The following UPRT variants were observed in gnomAD, a reference collection of about 807,000 sequenced individuals.
UPRT encodes uracil phosphoribosyltransferase homolog, also known as RP11-311P8.3.
Under a neutral mutation model 22.6 loss-of-function variants are expected in UPRT, and 5 were observed. The observed-to-expected ratio is 0.22, with a 90% CI of 0.12 to 0.47. UPRT has a LOEUF of 0.47. Among genes scored for constraint, UPRT ranks in the 20% least tolerant of loss-of-function variants. The pLI, the probability that UPRT is intolerant of heterozygous loss-of-function variation, is 0.99. For missense variants in UPRT, 181 were observed against 239.9 expected, an observed-to-expected ratio of 0.75 and a Z score of 1.62; for synonymous variants, 77 against 87.7, an observed-to-expected ratio of 0.88 and a Z score of 0.68.
At chrX:75,231,451 T>A (rs1365736263) in intron 4 of UPRT, among the ~76,000 whole-genome samples, 1 of 112,567 alleles carries the variant, frequency 8.9e-6, no homozygotes, top group South Asian at 3.7e-4. Flanking sequence ...TTTGGGATTA[T>A]GTTAGATGAC....
In UPRT at chrX:75,290,489, C is replaced by T. The variant is rs986280778; in HGVS notation, c.387-2983C>T. Among the ~76,000 whole-genome samples, 6 of 111,656 alleles carry T rather than the reference C, an allele frequency of 5.4e-5. No individual in the cohort carries two copies. The East Asian group carries it at 8.5e-4, about 16-fold the overall frequency. ...CAAATTGTTCTACCAAAAAACCACA[C>T]GCACTTGTATGTTCATCACAACAGT... is the stretch of plus-strand genomic sequence containing the variant. On this transcript the variant is annotated intron_variant, in intron 1 of 6. Transcript: ENST00000373383.
At chrX:75,265,062 T>C (rs1403016542) in intron 4 of UPRT, among the ~76,000 whole-genome samples, 1 of 112,278 alleles carries the variant, frequency 8.9e-6, no homozygotes, top group African/African-American at 3.2e-5. Context: ...GGTAGTCTGA[T>C]GGGCTTCCCT....
intron 4 of UPRT, among the ~76,000 whole-genome samples, chrX:75,198,090 T>A (rs1165886179): frequency 1.8e-5 from 2 of 112,838 alleles, no homozygotes; most frequent in Non-Finnish European, 3.7e-5. Context: ...CATCAAATGT[T>A]TATCAACAGG....
At chrX:75,245,391 C>T (rs188925401) in intron 4 of UPRT, among the ~76,000 whole-genome samples, 2 of 111,313 alleles carry the variant, frequency 1.8e-5, no homozygotes, top group South Asian at 3.8e-4. Context: ...GGTGAGTTCT[C>T]GAATAAGTCA....
At chrX:75,199,885 A>G (rs1431831103) in intron 4 of UPRT, among the ~76,000 whole-genome samples, 2 of 111,999 alleles carry the variant, frequency 1.8e-5, no homozygotes, top group Non-Finnish European at 3.8e-5. Context: ...CTATTTCTCC[A>G]CATCCTCCCC....
At chrX:75,180,761 T>G (rs1267232610) in intron 4 of UPRT, among the ~76,000 whole-genome samples, 1 of 97,937 alleles carries the variant, frequency 1.0e-5, no homozygotes, top group Admixed American at 1.2e-4. Context: ...TTCTGGATAT[T>G]AGACCTTTGT....
intron 4 of UPRT, among the ~76,000 whole-genome samples, chrX:75,202,976 A>T (rs1001060265): frequency 8.9e-6 from 1 of 111,934 alleles, no homozygotes; most frequent in African/African-American, 3.3e-5. Context: ...AATGGACTGA[A>T]TGCCCCAATT....
At chrX:75,284,158 T>C (rs2082670244) in intron 1 of UPRT, among the ~76,000 whole-genome samples, 1 of 111,717 alleles carries the variant, frequency 9.0e-6, no homozygotes, top group Non-Finnish European at 1.9e-5. Context: ...GATTGTTTTT[T>C]CTTTGAGCTA....
At chrX:75,224,458 C>T (rs1221772176) in intron 4 of UPRT, among the ~76,000 whole-genome samples, 1 of 110,360 alleles carries the variant, frequency 9.1e-6, no homozygotes, top group African/African-American at 3.3e-5. Flanking sequence ...TATCTCCCTT[C>T]CCTCCTCCTT....
At chrX:75,293,743 A>G (rs2082716180) in intron 2 of UPRT, among the ~76,000 whole-genome samples, 1 of 111,509 alleles carries the variant, frequency 9.0e-6, no homozygotes, top group African/African-American at 3.3e-5. Flanking sequence ...TATTTCTGAG[A>G]TAACACTACC....
chrX:75,234,703 A>T (rs1280662982), intron 4 of UPRT, among the ~76,000 whole-genome samples: 1 of 111,305 alleles, frequency 9.0e-6, no homozygotes, highest in Non-Finnish European at 1.9e-5. Flanking sequence ...ACATAACGAA[A>T]TGAAGGCAGA....
At chrX:75,190,399 C>G (rs2082310905) in intron 4 of UPRT, among the ~76,000 whole-genome samples, 1 of 111,860 alleles carries the variant, frequency 8.9e-6, no homozygotes, top group African/African-American at 3.3e-5. Context: ...TTCTCTCTGG[C>G]TGCCCTTAAC....
In UPRT at chrX:75,203,512, ACACT is replaced by A. The variant is rs748870710; in HGVS notation, c.-447+35637_-447+35640del. Among the ~76,000 whole-genome samples the A allele has an allele frequency of 5.6e-4, 42 of 74,683 alleles. 2 individuals carry two copies. Among genetic ancestry groups the A allele is most frequent in the Middle Eastern group, 6.8e-3 (1 of 146 alleles). 64.9% of individuals were successfully genotyped at this position (74,683 alleles called of 115,157 possible). ...CACACACACACACACACACACACAC[ACACT>A]CACACACACACACACACACACACAC... is the stretch of plus-strand genomic sequence containing the variant. On this transcript the variant is annotated intron_variant, in intron 4 of 13. Coordinates refer to the UPRT transcript ENST00000652605.
intron 4 of UPRT, among the ~76,000 whole-genome samples, chrX:75,205,301 C>T (rs1364103219): frequency 2.1e-5 from 2 of 96,134 alleles, no homozygotes; most frequent in South Asian, 5.6e-4. Flanking sequence ...ACCCGGGAAG[C>T]GGAACTTGCA....
intron 4 of UPRT, among the ~76,000 whole-genome samples, chrX:75,175,986 C>T (rs760774470): frequency 1.3e-4 from 14 of 111,310 alleles, no homozygotes; most frequent in African/African-American, 4.2e-4. Flanking sequence ...CTGATATCTG[C>T]GGCTGATTGG....
rs748143722 is a variant in UPRT, at chrX:75,264,415, G to C, written c.-446-26609G>C. ...TATGAATCTGGGTGCTCCTGTATTGGGTGCATATATAGTTAGGATAGTTAG... is the reference window on the plus strand; with the variant it reads ...TATGAATCTGGGTGCTCCTGTATTGCGTGCATATATAGTTAGGATAGTTAG... On this transcript the variant is annotated intron_variant, in intron 4 of 13. Transcript: ENST00000652605. 6.3e-5 allele frequency among the ~76,000 whole-genome samples: 7 copies of C among 111,552 alleles called. No individual in the cohort carries two copies. In the South Asian group the frequency reaches 2.7e-3, roughly 42 times the overall value.
At chrX:75,233,723 A>G (rs1380165292) in intron 4 of UPRT, among the ~76,000 whole-genome samples, 2 of 111,301 alleles carry the variant, frequency 1.8e-5, no homozygotes, top group Non-Finnish European at 3.8e-5. Context: ...TCCTTTACAG[A>G]CAAGCAAATG....
intron 4 of UPRT, among the ~76,000 whole-genome samples, chrX:75,240,376 A>G (rs1354485809): frequency 8.9e-6 from 1 of 111,741 alleles, no homozygotes; most frequent in Non-Finnish European, 1.9e-5. Context: ...CAAAGCCCTT[A>G]GGAATATACC....
At chrX:75,180,695 G>GTTTTTTTTTTTT (rs61040746) in intron 4 of UPRT, among the ~76,000 whole-genome samples, 7 of 34,647 alleles carry the variant, frequency 2.0e-4, no homozygotes, top group African/African-American at 7.7e-4. Flanking sequence ...TTTTTTTTTT[G>GTTTTTTTTTTTT]TTTTTTTTTT....
Sources: allele counts gnomAD v4.1 joint callset (sites outside exome capture counted in the v4.1 genomes callset), GRCh38; gene constraint gnomAD v4.1.1; transcripts MANE v1.5; gene names NCBI Gene and HGNC (gene_info 2026-07-23, HGNC 2026-07-21).